Variants in ZBP1 observed in about 807,000 individuals in gnomAD.
The protein encoded by ZBP1 is Z-DNA binding protein 1, also known as Z-DNA-binding protein 1.
Under a neutral mutation model 41.1 loss-of-function variants are expected in ZBP1, and 42 were observed. The observed-to-expected ratio is 1.02, with a 90% CI of 0.80 to 1.32. The LOEUF is 1.32. ZBP1 is among the 40% of genes most tolerant of loss of function. The probability of loss-of-function intolerance (pLI) is 0.00; values close to 1 mark genes in which losing one functional copy is unlikely to be tolerated. For missense variants in ZBP1, 562 were observed against 549.7 expected (o/e 1.02, Z -0.22); for synonymous variants, 214 against 205.2 (o/e 1.04, Z -0.37).
Position 57,615,007 on chromosome 20 carries a change from T to C in ZBP1, c.382A>G (p.Ile128Val). Residue 128 changes from isoleucine to valine, a missense_variant, in exon 4 of 8, where the codon ATC becomes GTC. Transcript: ENST00000371173. The part of the protein sequence containing the change: ...KDNGPQRALV[I>V]AQALGMRTAK... ...GTCCTCATTCCCAGTGCTTGGGCGA[T>C]GACCAGGGCCCTCTGGGGACCATTG... 2 of 1,614,232 alleles carry C rather than the reference T, an allele frequency of 1.2e-6. No homozygotes were observed. The highest frequency in any genetic ancestry group is 1.7e-6 in the Non-Finnish European group (2 of 1,180,046).
At chr20:57,616,581 G>T in intron 1 of ZBP1, 113 bp from the exon 2 acceptor site, 1 of 1,115,820 alleles carries the variant, frequency 9.0e-7, no homozygotes, top group Non-Finnish European at 1.3e-6. Flanking sequence ...GAGGGGTCCA[G>T]GGCAGAGGAA....
rs1235866284 is a variant in ZBP1, at chr20:57,610,515, C to T, written c.875-148G>A. 2 of 729,462 alleles carry T rather than the reference C, an allele frequency of 2.7e-6. No individual in the cohort carries two copies. Among genetic ancestry groups the T allele is most frequent in the Non-Finnish European group, 4.5e-6 (2 of 444,244 alleles). The allele number at this position is 729,462 out of a possible 1,614,324, so 45.2% of individuals were successfully genotyped here. ...GAGCACAGCCTGTGCCTGCCCGCCA[C>T]ACCTCCACCCGCCACACCTCCGCTC... On this transcript the variant is annotated intron_variant, in intron 6 of 7. Transcript: ENST00000371173. This position sits in a 1 kb window ranked among gnomAD's most constrained non-coding sequence, Gnocchi z 5.5.
Position 57,610,320 on chromosome 20 carries a change from G to T in ZBP1, c.922C>A (p.Pro308Thr), listed in dbSNP as rs1482171439. The change falls in exon 7 of 8, where the codon CCC becomes ACC. Residue 308 changes from proline to threonine, a missense_variant. Transcript: ENST00000371173. This position sits in a 1 kb window ranked among gnomAD's most constrained non-coding sequence, Gnocchi z 5.5. The stretch of plus-strand genomic sequence containing the variant: ...CCCTCAGGGTGAGTTCCTGGACTGG[G>T]AATTCTTGCTTCAAACGAAGCTTCT... ...GPEASFEARI[P>T]SPGTHPEGEA... 8 of 1,614,050 alleles carry T rather than the reference G, an allele frequency of 5.0e-6. No homozygotes were observed. The highest frequency in any genetic ancestry group is 1.3e-5 in the African/African-American group (1 of 74,918).
Position 57,610,077 on chromosome 20 carries a change from T to C in ZBP1, c.1093+72A>G. On this transcript the variant is annotated intron_variant, in intron 7 of 7. Coordinates refer to ENST00000371173, the MANE Select transcript of ZBP1 (RefSeq NM_030776.3). The surrounding 1 kb of genome is among the most constrained non-coding windows in gnomAD (Gnocchi z 5.5). ...GAGATTAGCGAATGATCGATGAGAG[T>C]GAATGAATGAATGAGTGGAAGGTGG... 1.4e-6 allele frequency: 2 copies of C among 1,413,470 alleles called. No individual in the cohort carries two copies. The highest frequency in any genetic ancestry group is 2.4e-5 in the East Asian group (1 of 41,346). 87.6% of individuals were successfully genotyped at this position (1,413,470 alleles called of 1,614,324 possible).
intron 7 of ZBP1, among the ~76,000 whole-genome samples, chr20:57,607,853 TA>T (rs571094643): frequency 8.5e-4 from 130 of 152,350 alleles, no homozygotes; most frequent in African/African-American, 3.1e-3. Flanking sequence ...CATTGTTTTT[TA>T]GATATAACGT....
intron 7 of ZBP1, among the ~76,000 whole-genome samples, chr20:57,606,095 AAGTT>A (rs1172966329): frequency 6.6e-6 from 1 of 152,238 alleles, no homozygotes; most frequent in African/African-American, 2.4e-5. Flanking sequence ...GCTAGGTCAA[AAGTT>A]AGCCAAATTG....
chr20:57,615,948 C>T (rs113442208), intron 2 of ZBP1: 13 of 547,084 alleles, frequency 2.4e-5, no homozygotes, highest in Middle Eastern at 2.7e-4. Flanking sequence ...GGGACCATGG[C>T]GTCATTGCTG....
intron 1 of ZBP1, chr20:57,617,443 G>A (rs1477500766): frequency 6.6e-6 from 1 of 152,468 alleles, no homozygotes; most frequent in Non-Finnish European, 1.5e-5. Flanking sequence ...TTCCCCTAGT[G>A]TCCCCTGCTG....
At position 57,614,951 on chromosome 20, in the gene ZBP1, C is replaced by A; in HGVS notation, c.438G>T (p.Arg146Ser). The A allele has an allele frequency of 1.2e-6, 2 of 1,614,250 alleles. No individual in the cohort carries two copies. The highest frequency in any genetic ancestry group is 1.3e-5 in the African/African-American group (1 of 75,064). Residue 146 changes from arginine to serine, a missense_variant, in exon 4 of 8, where the codon AGG becomes AGT. Arg to Ser is a moderately radical substitution (Grantham distance 110, BLOSUM62 -1). Coordinates refer to ENST00000371173, the MANE Select transcript of ZBP1 (RefSeq NM_030776.3). ...TGTCCAGAAGGTGCCTGCTCTTCAT[C>A]CTGTACAAGTCTCGGTTCACATCTT... The part of the protein sequence containing the change: ...TAKDVNRDLY[R>S]MKSRHLLDMD...
chr20:57,603,964 T>G lies in ZBP1; in HGVS notation c.*609A>C, dbSNP rs182664127. Reference sequence around the variant, plus strand: ...CTCACTGGAAGCTCCACCTCCCGGGTTCACACCATTCTCCTCCCTCAGCCT... The same window carrying G: ...CTCACTGGAAGCTCCACCTCCCGGGGTCACACCATTCTCCTCCCTCAGCCT... On this transcript the variant is annotated 3_prime_UTR_variant, in exon 8 of 8. Coordinates refer to ENST00000371173, the MANE Select transcript of ZBP1 (RefSeq NM_030776.3). This position sits in a 1 kb window ranked among gnomAD's most constrained non-coding sequence, Gnocchi z 4.6. 3.9e-3 allele frequency: 693 copies of G among 178,496 alleles called. 9 individuals carry two copies. The highest frequency in any genetic ancestry group is 0.015 in the African/African-American group (648 of 41,844). 11.1% of individuals were successfully genotyped at this position (178,496 alleles called of 1,614,324 possible).
At chr20:57,609,449 G>A (rs1478105503) in intron 7 of ZBP1, among the ~76,000 whole-genome samples, 2 of 152,106 alleles carry the variant, frequency 1.3e-5, no homozygotes, top group Admixed American at 6.5e-5. Context: ...CAGACCCCCC[G>A]TGGCTAAGTG....
chr20:57,609,119 T>TG (rs2146563071), intron 7 of ZBP1, among the ~76,000 whole-genome samples: 1 of 152,306 alleles, frequency 6.6e-6, no homozygotes, highest in East Asian at 1.9e-4. Context: ...CAAACCCCTG[T>TG]GGGTTCCCAC....
rs750331458 is a variant in ZBP1, at chr20:57,610,228, G to T, written c.1014C>A (p.Asn338Lys). 1.9e-6 allele frequency: 3 copies of T among 1,614,172 alleles called. No homozygotes were observed. Among genetic ancestry groups the T allele is most frequent in the African/African-American group, 1.3e-5 (1 of 75,038 alleles). Residue 338 changes from asparagine to lysine, a missense_variant, in exon 7 of 8, where the codon AAC becomes AAA. Physicochemically the swap from Asn to Lys is moderately conservative, Grantham distance 94 (BLOSUM62 0). Transcript: ENST00000371173. The surrounding 1 kb of genome is among the most constrained non-coding windows in gnomAD (Gnocchi z 5.5). The part of the protein sequence containing the change: ...FLEDATIGNS[N>K]KMSISPGVAG... ...CCACCCCTGGGCTGATAGACATTTT[G>T]TTGCTGTTGCCGATGGTGGCGTCCT...
chr20:57,615,025 GA>G lies in ZBP1; in HGVS notation c.363del (p.Gln123ArgfsTer12). 6.2e-7 allele frequency: 1 copy of G among 1,614,194 alleles called. No individual in the cohort carries two copies. Among genetic ancestry groups the G allele is most frequent in the Non-Finnish European group, 8.5e-7 (1 of 1,180,032 alleles). ...EDIYRFLKDNGPQRALVIAQA... is the reference protein window; with the variant it reads ...EDIYRFLKDNXPQRALVIAQA... ...TGGGCGATGACCAGGGCCCTCTGGG[GA>G]CCATTGTCTTTGAGAAACCTGTAGA... On this transcript the variant is annotated frameshift_variant, in exon 4 of 8. Coordinates refer to ENST00000371173, the MANE Select transcript of ZBP1 (RefSeq NM_030776.3). LOFTEE classifies it high-confidence loss of function.
chr20:57,617,937 G>A (rs559260564), intron 1 of ZBP1: 1 of 152,218 alleles, frequency 6.6e-6, no homozygotes, highest in African/African-American at 2.4e-5. Flanking sequence ...GCAGGGCCCG[G>A]GTAGCTTCTC....
chr20:57,613,390 T>C lies in ZBP1; in HGVS notation c.503-60A>G, dbSNP rs894453609. 14 of 1,554,352 alleles carry C rather than the reference T, an allele frequency of 9.0e-6. No individual in the cohort carries two copies. In the Admixed American group the frequency reaches 2.2e-4, roughly 25 times the overall value. On this transcript the variant is annotated intron_variant, in intron 4 of 7. Coordinates refer to ENST00000371173, the MANE Select transcript of ZBP1 (RefSeq NM_030776.3). This position sits in a 1 kb window ranked among gnomAD's most constrained non-coding sequence, Gnocchi z 4.5. ...CTGTCTATGGGTCAGGGGTTCCCAATACCAGTCGGCAGCACCAAATTCTCC... is the reference window on the plus strand; with the variant it reads ...CTGTCTATGGGTCAGGGGTTCCCAACACCAGTCGGCAGCACCAAATTCTCC...
intron 4 of ZBP1, among the ~76,000 whole-genome samples, chr20:57,614,096 G>A (rs549572773): frequency 2.0e-4 from 31 of 152,168 alleles, no homozygotes; most frequent in African/African-American, 5.8e-4. Context: ...GTGCAATGGC[G>A]CGATCTCAGC....
intron 1 of ZBP1, among the ~76,000 whole-genome samples, chr20:57,619,493 A>G (rs536473760): frequency 6.6e-6 from 1 of 152,328 alleles, no homozygotes; most frequent in South Asian, 2.1e-4. Flanking sequence ...TACTCGATAC[A>G]CTATTGGCTT....
chr20:57,607,537 G>A (rs1252232149), intron 7 of ZBP1, among the ~76,000 whole-genome samples: 1 of 152,248 alleles, frequency 6.6e-6, no homozygotes, highest in East Asian at 1.9e-4. Context: ...AGCAGCAGCA[G>A]GGTTGGGGAG....
Sources: gnomAD v4.1 joint callset for allele counts (sites outside exome capture counted in the v4.1 genomes callset) on GRCh38, gnomAD v4.1.1 for gene constraint, Gnocchi (gnomAD v3.1) non-coding constraint, MANE v1.5 for transcripts, NCBI Gene and HGNC (gene_info 2026-07-23, HGNC 2026-07-21) for gene names.